The following PPM1E variants were observed in gnomAD, a reference collection of about 807,000 sequenced individuals.
PPM1E encodes the protein protein phosphatase 1E.
A neutral mutation model predicts 65.9 loss-of-function variants in PPM1E; 20 were observed. That is an observed-to-expected ratio of 0.30 (90% CI 0.21 to 0.44). The LOEUF (loss-of-function observed/expected upper bound fraction) is 0.44. Ranked by LOEUF, PPM1E falls within the 20% of genes least tolerant of loss-of-function variation. The pLI, the probability that PPM1E is intolerant of heterozygous loss-of-function variation, is 1.00. For missense variants in PPM1E, 713 were observed against 953.1 expected (o/e 0.75, Z 3.32); for synonymous variants, 352 against 374.9 (o/e 0.94, Z 0.70).
At chr17:58,802,979 A>G (rs1788414547) in intron 1 of PPM1E, among the ~76,000 whole-genome samples, 1 of 152,032 alleles carries the variant, frequency 6.6e-6, no homozygotes, top group African/African-American at 2.4e-5. Flanking sequence ...CTGCAAACAG[A>G]GTCAATTTTA....
chr17:58,825,263 C>CACAA (rs199857029), intron 1 of PPM1E, among the ~76,000 whole-genome samples: 19 of 133,390 alleles, frequency 1.4e-4, no homozygotes, highest in South Asian at 4.9e-4. Flanking sequence ...CACACACACA[C>CACAA]AAAAATAAAT....
chr17:58,836,408 G>C (rs1421298715), intron 1 of PPM1E, among the ~76,000 whole-genome samples: 3 of 151,528 alleles, frequency 2.0e-5, no homozygotes, highest in Non-Finnish European at 4.4e-5. Flanking sequence ...GATTTAATGA[G>C]CCCAGGAGTT....
chr17:58,941,161 T>C (rs1376578062), intron 1 of PPM1E, among the ~76,000 whole-genome samples: 1 of 152,180 alleles, frequency 6.6e-6, no homozygotes, highest in Non-Finnish European at 1.5e-5. Context: ...TTACAGAGAT[T>C]AGGTCTGTGA....
At chr17:58,923,911 C>CTTTTTTTT (rs751578623) in intron 1 of PPM1E, among the ~76,000 whole-genome samples, 1 of 64,812 alleles carries the variant, frequency 1.5e-5, no homozygotes, top group East Asian at 5.1e-4. Context: ...AAGACCCCCT[C>CTTTTTTTT]TTTTTTTTTT....
At chr17:58,929,442 A>G (rs1354221673) in intron 1 of PPM1E, among the ~76,000 whole-genome samples, 1 of 152,188 alleles carries the variant, frequency 6.6e-6, no homozygotes, top group East Asian at 1.9e-4. Flanking sequence ...TATTATATGT[A>G]AATTTTACTA....
intron 1 of PPM1E, among the ~76,000 whole-genome samples, chr17:58,780,464 G>A (rs1369859636): frequency 1.3e-5 from 2 of 152,186 alleles, no homozygotes; most frequent in Admixed American, 1.3e-4. Context: ...TTTAATTTTT[G>A]CCAATCTGAT....
intron 1 of PPM1E, among the ~76,000 whole-genome samples, chr17:58,926,404 GAGGA>G (rs2051824405): frequency 6.6e-6 from 1 of 151,250 alleles, no homozygotes; most frequent in African/African-American, 2.4e-5. Context: ...AGCACTGAAA[GAGGA>G]AGGAAGGGTA....
chr17:58,978,477 G>A (rs1299177260), intron 6 of PPM1E, among the ~76,000 whole-genome samples: 2 of 152,106 alleles, frequency 1.3e-5, no homozygotes, highest in Admixed American at 6.5e-5. Flanking sequence ...TTGGGAGGCC[G>A]ACACAGGCAG....
intron 2 of PPM1E, among the ~76,000 whole-genome samples, chr17:58,964,695 A>T (rs956013590): frequency 6.6e-6 from 1 of 152,196 alleles, no homozygotes; most frequent in Admixed American, 6.5e-5. Context: ...TTGCTAACCT[A>T]TTGGCTAAAC....
chr17:58,927,317 G>A, intron 1 of PPM1E, among the ~76,000 whole-genome samples: 1 of 151,506 alleles, frequency 6.6e-6, no homozygotes, highest in East Asian at 1.9e-4. Flanking sequence ...TTTTTTAGTA[G>A]AGAGGGGATT....
At chr17:58,810,219 T>C (rs1307883917) in intron 1 of PPM1E, among the ~76,000 whole-genome samples, 7 of 152,190 alleles carry the variant, frequency 4.6e-5, no homozygotes, top group Non-Finnish European at 2.9e-5. Flanking sequence ...TTTTTGTTTT[T>C]TTTTTCTGAG....
intron 1 of PPM1E, among the ~76,000 whole-genome samples, chr17:58,866,477 A>T (rs528265812): frequency 6.6e-6 from 1 of 152,342 alleles, no homozygotes; most frequent in African/African-American, 2.4e-5. Flanking sequence ...CCCATCCTCC[A>T]TGGGAGTCTT....
Position 58,756,195 on chromosome 17 carries a change from C to T in PPM1E, c.198C>T (p.Pro66=). The change falls in exon 1 of 7, where the codon CCC becomes CCT. Residue 66 remains proline, a synonymous_variant. Coordinates refer to ENST00000308249, the MANE Select transcript of PPM1E (RefSeq NM_014906.5). ...CGGCCGAGGCTTCGGTAGAGGAACCCGGGGAGGAGGCGGCCACGGTAGCCG... is the reference window on the plus strand; with the variant it reads ...CGGCCGAGGCTTCGGTAGAGGAACCTGGGGAGGAGGCGGCCACGGTAGCCG... ...AEAAEASVEE[P]GEEAATVAAT... 6.4e-7 allele frequency: 1 copy of T among 1,561,848 alleles called. No individual in the cohort carries two copies. The highest frequency in any genetic ancestry group is 8.7e-7 in the Non-Finnish European group (1 of 1,152,858).
intron 1 of PPM1E, among the ~76,000 whole-genome samples, chr17:58,776,481 T>A (rs1316660169): frequency 1.3e-5 from 2 of 152,192 alleles, no homozygotes; most frequent in Non-Finnish European, 2.9e-5. Context: ...TGTTTAGTAA[T>A]GTACATTTCT....
At chr17:58,932,564 A>T (rs1285851410) in intron 1 of PPM1E, among the ~76,000 whole-genome samples, 2 of 152,104 alleles carry the variant, frequency 1.3e-5, no homozygotes, top group South Asian at 2.1e-4. Context: ...ACAAACAAAC[A>T]TGGGATCTGG....
chr17:58,849,858 A>G (rs1185570307), intron 1 of PPM1E, among the ~76,000 whole-genome samples: 1 of 152,094 alleles, frequency 6.6e-6, no homozygotes, highest in Non-Finnish European at 1.5e-5. Flanking sequence ...TGTCTTGTTG[A>G]TCTGTCTAAT....
intron 1 of PPM1E, among the ~76,000 whole-genome samples, chr17:58,777,009 A>G (rs1054107780): frequency 6.6e-6 from 1 of 152,078 alleles, no homozygotes; most frequent in Non-Finnish European, 1.5e-5. Context: ...AAGCAGGAAG[A>G]TTGCTTGAAC....
chr17:58,941,803 G>T (rs564466713), intron 1 of PPM1E, among the ~76,000 whole-genome samples: 1 of 150,242 alleles, frequency 6.7e-6, no homozygotes, highest in Non-Finnish European at 1.5e-5. Flanking sequence ...TCAGGAGTTC[G>T]AGTCCAGCCT....
chr17:58,942,725 G>C (rs1345708621), intron 1 of PPM1E, among the ~76,000 whole-genome samples: 2 of 152,040 alleles, frequency 1.3e-5, no homozygotes, highest in Admixed American at 1.3e-4. Flanking sequence ...CCTAATGCTA[G>C]ATGACAAGTT....
Sources: gnomAD v4.1 joint callset for allele counts (sites outside exome capture counted in the v4.1 genomes callset) on GRCh38, gnomAD v4.1.1 for gene constraint, MANE v1.5 for transcripts, NCBI Gene and HGNC (gene_info 2026-07-23, HGNC 2026-07-21) for gene names.